Variants in ZNF90 observed in about 807,000 individuals in gnomAD.
ZNF90 encodes zinc finger protein 90.
Under a neutral mutation model 12.0 loss-of-function variants are expected in ZNF90, and 11 were observed. The observed-to-expected ratio is 0.92, with a 90% CI of 0.58 to 1.52. The LOEUF (loss-of-function observed/expected upper bound fraction) is 1.52, where lower values mean the gene tolerates loss of function less well. Ranked by LOEUF, ZNF90 falls within the 40% of genes most tolerant of loss-of-function variation. The pLI, the probability that ZNF90 is intolerant of heterozygous loss-of-function variation, is 0.00. For missense variants in ZNF90, 765 were observed against 711.5 expected, an observed-to-expected ratio of 1.08 and a Z score of -0.86; for synonymous variants, 232 against 240.1, an observed-to-expected ratio of 0.97 and a Z score of 0.31.
intron 1 of ZNF90, among the ~76,000 whole-genome samples, chr19:20,092,170 G>C (rs2088907866): frequency 6.6e-6 from 1 of 152,224 alleles, no homozygotes. Flanking sequence ...ACTCAACAAA[G>C]AGTGAGTATA....
At chr19:20,081,593 T>C (rs1347818013) in intron 1 of ZNF90, among the ~76,000 whole-genome samples, 1 of 152,132 alleles carries the variant, frequency 6.6e-6, no homozygotes, top group African/African-American at 2.4e-5. Context: ...ACCTATTTTC[T>C]CCATCAACCT....
chr19:20,079,115 CAAA>C (rs139573879), intron 1 of ZNF90, among the ~76,000 whole-genome samples: 4,428 of 68,708 alleles, frequency 0.064, 187 homozygotes, highest in East Asian at 0.35. Context: ...GGAGAGTCCT[CAAA>C]AAAAAAAAAA....
intron 1 of ZNF90, among the ~76,000 whole-genome samples, chr19:20,091,645 C>T (rs904820729): frequency 6.6e-6 from 1 of 152,106 alleles, no homozygotes; most frequent in Admixed American, 6.5e-5. Context: ...CCTTTTGATG[C>T]CCCTTGCAGT....
Position 20,119,624 on chromosome 19 carries a change from T to A in ZNF90, c.*264T>A. Reference sequence around the variant, plus strand: ...AAGCCTATAACAAGTTCTCAATTCTTTTTTTTTTTTTTTAAGAAGGAGTTT... The same window carrying A: ...AAGCCTATAACAAGTTCTCAATTCTATTTTTTTTTTTTTAAGAAGGAGTTT... On this transcript the variant is annotated 3_prime_UTR_variant, in exon 4 of 4. Coordinates refer to ENST00000418063, the MANE Select transcript of ZNF90 (RefSeq NM_007138.2). The A allele has an allele frequency of 8.8e-6, 2 of 227,234 alleles. No homozygotes were observed. Among genetic ancestry groups the A allele is most frequent in the East Asian group, 9.9e-5 (1 of 10,058 alleles). 14.1% of individuals were successfully genotyped at this position (227,234 alleles called of 1,614,324 possible).
At chr19:20,087,965 TAAGGC>T (rs1555702276) in intron 1 of ZNF90, among the ~76,000 whole-genome samples, 1 of 152,066 alleles carries the variant, frequency 6.6e-6, no homozygotes, top group Non-Finnish European at 1.5e-5. Context: ...TGTCAACAGT[TAAGGC>T]AAGGACCGGC....
At chr19:20,117,690 G>A in intron 3 of ZNF90, 91 bp from the exon 4 acceptor site, 1 of 1,416,974 alleles carries the variant, frequency 7.1e-7, no homozygotes, top group Non-Finnish European at 9.2e-7. Flanking sequence ...TTTTCATTTT[G>A]CCCAAGATGA....
At position 20,104,336 on chromosome 19, in the gene ZNF90, T is replaced by TA. The variant is rs782540419; in HGVS notation, c.102dup (p.Glu35ArgfsTer15). On this transcript the variant is annotated frameshift_variant, in exon 2 of 4. Coordinates refer to ENST00000418063, the MANE Select transcript of ZNF90 (RefSeq NM_007138.2). LOFTEE classifies it high-confidence loss of function. Reference sequence around the variant, plus strand: ...CAGAATTTATATAGGGATGTGATGTTAGAGAACTACAGACACCTGGTCTTC... The same window carrying TA: ...CAGAATTTATATAGGGATGTGATGTTAAGAGAACTACAGACACCTGGTCTTC... 5 of 1,614,074 alleles carry TA rather than the reference T, an allele frequency of 3.1e-6. No individual in the cohort carries two copies. The South Asian group carries it at 5.5e-5, about 18-fold the overall frequency.
chr19:20,078,009 C>T lies in ZNF90; in HGVS notation c.-124C>T. The stretch of plus-strand genomic sequence containing the variant: ...TCGGGTTTGGCGCGGCCATTTGTCT[C>T]TTGCTGCAGCTGGTGCTCCAAATCT... On this transcript the variant is annotated 5_prime_UTR_variant, in exon 1 of 4. Transcript: ENST00000418063. 1 of 1,311,584 alleles carries T rather than the reference C, an allele frequency of 7.6e-7. No homozygotes were observed. The highest frequency in any genetic ancestry group is 1.2e-5 in the South Asian group (1 of 84,612). 81.2% of individuals were successfully genotyped at this position (1,311,584 alleles called of 1,614,324 possible).
chr19:20,116,535 C>T (rs1170379866), intron 3 of ZNF90, among the ~76,000 whole-genome samples: 1 of 152,106 alleles, frequency 6.6e-6, no homozygotes, highest in Non-Finnish European at 1.5e-5. Flanking sequence ...AAATGTTTTT[C>T]ATTGGGCCAT....
intron 3 of ZNF90, among the ~76,000 whole-genome samples, chr19:20,110,852 T>C (rs577851844): frequency 6.6e-6 from 1 of 152,300 alleles, no homozygotes; most frequent in Admixed American, 6.5e-5. Flanking sequence ...AACTTGTTTA[T>C]CTATTTCTAA....
chr19:20,115,269 CTT>C (rs1266251401), intron 3 of ZNF90, among the ~76,000 whole-genome samples: 3 of 151,952 alleles, frequency 2.0e-5, no homozygotes, highest in Non-Finnish European at 4.4e-5. Context: ...TTTTAATAAA[CTT>C]TTTTATTGAA....
intron 3 of ZNF90, among the ~76,000 whole-genome samples, chr19:20,112,417 G>A (rs1403408547): frequency 1.3e-5 from 2 of 151,948 alleles, no homozygotes; most frequent in Non-Finnish European, 2.9e-5. Flanking sequence ...TGCCTCCTGG[G>A]TTCAAGCAAT....
In ZNF90 at chr19:20,118,263, G is replaced by T. The variant is rs560386038; in HGVS notation, c.709G>T (p.Glu237Ter). The stretch of plus-strand genomic sequence containing the variant: ...GTACAAATGTGAAGATTGTGGCAAA[G>T]AATTAAAGTATTCCTCTACCCTTAC... The part of the protein sequence containing the change: ...KRYKCEDCGK[E>*]LKYSSTLTAH... Residue 237 changes from glutamate (E) to a stop codon, truncating the protein, a stop_gained, in exon 4 of 4, where the codon GAA becomes TAA. Coordinates refer to ENST00000418063, the MANE Select transcript of ZNF90 (RefSeq NM_007138.2). LOFTEE classifies it low-confidence loss of function (END_TRUNC). 6 of 1,556,658 alleles carry T rather than the reference G, an allele frequency of 3.9e-6. No individual in the cohort carries two copies. The African/African-American group carries it at 6.8e-5, about 18-fold the overall frequency.
intron 3 of ZNF90, among the ~76,000 whole-genome samples, chr19:20,113,442 C>T (rs2089108027): frequency 6.6e-6 from 1 of 152,108 alleles, no homozygotes; most frequent in African/African-American, 2.4e-5. Context: ...ATCTGCCCAC[C>T]TTGGCCTCCC....
Position 20,118,041 on chromosome 19 carries a change from CATAAG to C in ZNF90, c.494_498del (p.Ile165ArgfsTer26), listed in dbSNP as rs781988707. 148 of 1,612,102 alleles carry C rather than the reference CATAAG, an allele frequency of 9.2e-5. 1 individual carries two copies. In the African/African-American group the frequency reaches 1.8e-3, roughly 19 times the overall value. ...TCATATATTTTCAAATTCAAACAGA[CATAAG>C]ATAAGAGATACTGGAAAAAAACCTT... On this transcript the variant is annotated frameshift_variant, in exon 4 of 4. Transcript: ENST00000418063. LOFTEE classifies it low-confidence loss of function (END_TRUNC).
At chr19:20,080,962 C>T (rs2088815793) in intron 1 of ZNF90, among the ~76,000 whole-genome samples, 1 of 152,168 alleles carries the variant, frequency 6.6e-6, no homozygotes, top group African/African-American at 2.4e-5. Flanking sequence ...AGGAGGCTCT[C>T]CTGTACACAG....
chr19:20,116,853 A>T (rs1032873735), intron 3 of ZNF90, among the ~76,000 whole-genome samples: 15 of 151,812 alleles, frequency 9.9e-5, no homozygotes, highest in Non-Finnish European at 1.5e-4. Flanking sequence ...GACTCAGTAG[A>T]CTCAAACTGT....
At chr19:20,116,841 T>C (rs2089140633) in intron 3 of ZNF90, among the ~76,000 whole-genome samples, 1 of 152,158 alleles carries the variant, frequency 6.6e-6, no homozygotes, top group South Asian at 2.1e-4. Context: ...CATTTATCTT[T>C]AGACTCAGTA....
chr19:20,080,298 A>G, intron 1 of ZNF90: 1 of 550,968 alleles, frequency 1.8e-6, no homozygotes, highest in Non-Finnish European at 3.6e-6. Context: ...TATTGTAGAC[A>G]ACATGGACGA....
Sources: allele counts gnomAD v4.1 joint callset (sites outside exome capture counted in the v4.1 genomes callset), GRCh38; gene constraint gnomAD v4.1.1; transcripts MANE v1.5; gene names NCBI Gene and HGNC (gene_info 2026-07-23, HGNC 2026-07-21).